The following DAB1 variants were observed in gnomAD, a reference collection of about 807,000 sequenced individuals.
DAB1 encodes the protein disabled homolog 1.
Under a neutral mutation model 64.6 loss-of-function variants are expected in DAB1, and 15 were observed. That is an observed-to-expected ratio of 0.23 (90% CI 0.16 to 0.36). The LOEUF (loss-of-function observed/expected upper bound fraction) is 0.36, where lower values mean the gene tolerates loss of function less well. Ranked by LOEUF, DAB1 falls within the 10% of genes least tolerant of loss-of-function variation. The pLI, the probability that DAB1 is intolerant of heterozygous loss-of-function variation, is 1.00. For missense variants in DAB1, 596 were observed against 706.7 expected (o/e 0.84, Z 1.78); for synonymous variants, 235 against 251.9 (o/e 0.93, Z 0.64).
chr1:57,568,931 T>C (rs951584798), intron 7 of DAB1, among the ~76,000 whole-genome samples: 27 of 152,200 alleles, frequency 1.8e-4, no homozygotes, highest in Non-Finnish European at 3.4e-4. Context: ...TTACTGGGTA[T>C]GTACCCAAAG....
chr1:57,641,066 T>C (rs1646121684), intron 7 of DAB1, among the ~76,000 whole-genome samples: 1 of 152,166 alleles, frequency 6.6e-6, no homozygotes, highest in Non-Finnish European at 1.5e-5. Flanking sequence ...CTCCTGGCAT[T>C]AGTGAGTTAA....
chr1:57,081,875 TA>T (rs1179896514), intron 4 of DAB1, among the ~76,000 whole-genome samples: 11 of 152,224 alleles, frequency 7.2e-5, no homozygotes, highest in African/African-American at 2.4e-4. Flanking sequence ...ATATTGCTAT[TA>T]AAAAAACAAG....
At chr1:57,856,900 T>G (rs1653781214) in intron 1 of DAB1, among the ~76,000 whole-genome samples, 1 of 152,196 alleles carries the variant, frequency 6.6e-6, no homozygotes. Context: ...CGGAAATTAT[T>G]AGCACCTAGA....
intron 7 of DAB1, among the ~76,000 whole-genome samples, chr1:57,497,320 A>G (rs1644242400): frequency 6.6e-6 from 1 of 152,166 alleles, no homozygotes; most frequent in East Asian, 1.9e-4. Context: ...AAGGACACTG[A>G]TCAGGTTTGT....
chr1:57,925,491 A>G (rs1463524222), intron 5 of DAB1, among the ~76,000 whole-genome samples: 7 of 152,206 alleles, frequency 4.6e-5, no homozygotes, highest in Admixed American at 4.6e-4. Flanking sequence ...ACATTTATCA[A>G]GCCACATTTA....
chr1:57,245,241 G>A (rs186934431), intron 2 of DAB1, among the ~76,000 whole-genome samples: 166 of 152,218 alleles, frequency 1.1e-3, no homozygotes, highest in African/African-American at 3.8e-3. Context: ...GTGGAGTTTC[G>A]AACTTGAGTG....
intron 4 of DAB1, among the ~76,000 whole-genome samples, chr1:57,116,445 G>A (rs1212101394): frequency 1.7e-5 from 2 of 119,722 alleles, no homozygotes; most frequent in Non-Finnish European, 3.3e-5. Context: ...CTGGGCAATA[G>A]AGTGAGACTC....
chr1:57,002,250 A>G (rs1645896401), intron 14 of DAB1, among the ~76,000 whole-genome samples: 1 of 152,196 alleles, frequency 6.6e-6, no homozygotes, highest in South Asian at 2.1e-4. Flanking sequence ...AGCACAGGAG[A>G]CTAAGTCATG....
intron 2 of DAB1, among the ~76,000 whole-genome samples, chr1:57,210,852 A>G (rs1426171900): frequency 6.6e-6 from 1 of 152,130 alleles, no homozygotes; most frequent in Admixed American, 6.5e-5. Context: ...CTGCCTATGC[A>G]TGTGTATGCA....
At chr1:57,487,189 T>C (rs1030221350) in intron 7 of DAB1, among the ~76,000 whole-genome samples, 5 of 152,130 alleles carry the variant, frequency 3.3e-5, no homozygotes, top group Non-Finnish European at 7.3e-5. Flanking sequence ...AGAACACAGG[T>C]AGAGGTAGAT....
chr1:57,199,542 C>T (rs188318689), intron 2 of DAB1, among the ~76,000 whole-genome samples: 3 of 152,282 alleles, frequency 2.0e-5, no homozygotes, highest in African/African-American at 7.2e-5. Context: ...GGAAGAAGAC[C>T]GCGGGCTATG....
chr1:57,467,206 G>T (rs1035996360), intron 7 of DAB1, among the ~76,000 whole-genome samples: 1 of 152,102 alleles, frequency 6.6e-6, no homozygotes, highest in Non-Finnish European at 1.5e-5. Context: ...GGGTCCTAAG[G>T]ATTTGTATAT....
chr1:57,979,616 G>A (rs1570147269), intron 5 of DAB1, among the ~76,000 whole-genome samples: 1 of 152,244 alleles, frequency 6.6e-6, no homozygotes, highest in Admixed American at 6.5e-5. Flanking sequence ...AATCAGATGA[G>A]AAGTCACTTC....
At chr1:57,421,917 C>CGGGGGGGGGGGGG (rs200226853) in intron 1 of DAB1, among the ~76,000 whole-genome samples, 2 of 6,820 alleles carry the variant, frequency 2.9e-4, no homozygotes, top group Non-Finnish European at 9.4e-4. Flanking sequence ...GGGGGGGTGG[C>CGGGGGGGGGGGGG]GGGGGGGGGT....
At chr1:57,128,175 AT>A (rs1156956305) in intron 4 of DAB1, among the ~76,000 whole-genome samples, 9 of 150,964 alleles carry the variant, frequency 6.0e-5, no homozygotes, top group African/African-American at 2.2e-4. Flanking sequence ...AAATAAATAA[AT>A]AAATAAATAA....
At chr1:57,358,470 A>G (rs1417474426) in intron 1 of DAB1, among the ~76,000 whole-genome samples, 1 of 152,024 alleles carries the variant, frequency 6.6e-6, no homozygotes, top group South Asian at 2.1e-4. Flanking sequence ...TGTGATGAAA[A>G]GAATAAAGAA....
chr1:58,400,384 AT>A (rs1231143630), intron 3 of DAB1, among the ~76,000 whole-genome samples: 1 of 152,146 alleles, frequency 6.6e-6, no homozygotes, highest in Admixed American at 6.5e-5. Context: ...AACAGTGGCC[AT>A]TAGGATGGTG....
intron 4 of DAB1, among the ~76,000 whole-genome samples, chr1:58,253,728 C>T (rs1024118693): frequency 6.6e-6 from 1 of 152,198 alleles, no homozygotes; most frequent in Admixed American, 6.5e-5. Context: ...CAACAGCTAA[C>T]TAGTAAGAGT....
chr1:58,484,580 G>A (rs550014995), intron 3 of DAB1, among the ~76,000 whole-genome samples: 3 of 152,262 alleles, frequency 2.0e-5, no homozygotes, highest in African/African-American at 7.2e-5. Flanking sequence ...CTGAGTCTCA[G>A]AGAAGTTAAA....
Sources: allele counts gnomAD v4.1 joint callset (sites outside exome capture counted in the v4.1 genomes callset), GRCh38; gene constraint gnomAD v4.1.1; transcripts MANE v1.5; gene names NCBI Gene and HGNC (gene_info 2026-07-23, HGNC 2026-07-21).